IKZF2: variants seen among roughly 807,000 people sequenced by gnomAD.
The protein encoded by IKZF2 is IKAROS family zinc finger 2.
IKZF2 carries 15 observed loss-of-function variants against 49.2 expected under a neutral mutation model. The ratio of observed to expected loss-of-function variants is 0.30; its 90% confidence interval spans 0.20 to 0.47. IKZF2 has a LOEUF of 0.47. Ranked by LOEUF, IKZF2 falls within the 20% of genes least tolerant of loss-of-function variation. The pLI, the probability that IKZF2 is intolerant of heterozygous loss-of-function variation, is 1.00. For missense variants in IKZF2, 567 were observed against 664.6 expected, an observed-to-expected ratio of 0.85 and a Z score of 1.61; for synonymous variants, 227 against 221.4, an observed-to-expected ratio of 1.03 and a Z score of -0.23.
chr2:213,110,296 C>T (rs1053809450), intron 4 of IKZF2, among the ~76,000 whole-genome samples: 1 of 151,846 alleles, frequency 6.6e-6, no homozygotes, highest in Non-Finnish European at 1.5e-5. Flanking sequence ...CCCAGCCCCT[C>T]ATCTGCTCAG....
intron 6 of IKZF2, among the ~76,000 whole-genome samples, chr2:213,041,731 T>C (rs984113361): frequency 2.6e-5 from 4 of 152,124 alleles, no homozygotes; most frequent in Non-Finnish European, 5.9e-5. Context: ...AAAGTTATTA[T>C]TTTTTTCTTT....
rs1204695691 is a variant in IKZF2, at chr2:213,149,545, C to CT, written c.-16+598dup. Among the ~76,000 whole-genome samples the CT allele has an allele frequency of 2.6e-5, 4 of 151,990 alleles. No individual in the cohort carries two copies. In the East Asian group the frequency reaches 5.8e-4, roughly 22 times the overall value. On this transcript the variant is annotated intron_variant, in intron 2 of 8. Transcript: ENST00000434687. ...TTGACAAGTCCTGAGAAGATTTTTA[C>CT]TTTTTTTTCCCCCTTTGGCCTTGGT...
At chr2:213,136,554 T>C (rs1412380297) in intron 4 of IKZF2, among the ~76,000 whole-genome samples, 2 of 152,182 alleles carry the variant, frequency 1.3e-5, no homozygotes, top group Admixed American at 1.3e-4. Context: ...CTGATCATTT[T>C]TATGAGTCTA....
chr2:213,015,869 A>T (rs1696527096), intron 7 of IKZF2, among the ~76,000 whole-genome samples: 1 of 152,072 alleles, frequency 6.6e-6, no homozygotes, highest in African/African-American at 2.4e-5. Context: ...ATTTGTTCTG[A>T]AATGAGTAGT....
intron 5 of IKZF2, among the ~76,000 whole-genome samples, chr2:213,050,457 C>T (rs2125333869): frequency 6.6e-6 from 1 of 152,174 alleles, no homozygotes; most frequent in South Asian, 2.1e-4. Context: ...CCTCATTTAG[C>T]TGATATGGAA....
intron 4 of IKZF2, among the ~76,000 whole-genome samples, chr2:213,129,735 A>G (rs888884033): frequency 2.6e-5 from 4 of 152,234 alleles, no homozygotes; most frequent in Admixed American, 1.3e-4. Flanking sequence ...GAATGGAAGC[A>G]GGAAGACCGG....
At chr2:213,106,659 AAAAAG>A (rs953935541) in intron 4 of IKZF2, among the ~76,000 whole-genome samples, 8 of 151,792 alleles carry the variant, frequency 5.3e-5, no homozygotes, top group Admixed American at 1.3e-4. Flanking sequence ...AAAAAAAAGA[AAAAAG>A]AAAAGAAAAG....
At chr2:213,136,048 CAAAAAA>C (rs534093528) in intron 4 of IKZF2, among the ~76,000 whole-genome samples, 1 of 105,472 alleles carries the variant, frequency 9.5e-6, no homozygotes, top group Non-Finnish European at 2.1e-5. Flanking sequence ...GACTCCGTTT[CAAAAAA>C]AAAAAAAAGA....
At chr2:213,031,536 A>T (rs555432223) in intron 6 of IKZF2, among the ~76,000 whole-genome samples, 16 of 152,356 alleles carry the variant, frequency 1.1e-4, no homozygotes, top group African/African-American at 3.8e-4. Context: ...CTTATGTAAG[A>T]TTATTTTTAT....
In IKZF2 at chr2:213,021,968, A is replaced by C. The variant is rs755803424; in HGVS notation, c.712+25T>G. ...TACAAAAGCAGTAGGGGGAAATAAAAATGATGAATCCAGTTTCTACCCACC... is the reference window on the plus strand; with the variant it reads ...TACAAAAGCAGTAGGGGGAAATAAACATGATGAATCCAGTTTCTACCCACC... On this transcript the variant is annotated intron_variant, in intron 7 of 8. Coordinates refer to ENST00000434687, the MANE Select transcript of IKZF2 (RefSeq NM_001387220.1). The C allele has an allele frequency of 1.9e-6, 3 of 1,590,384 alleles. 1 individual carries two copies. The South Asian group carries it at 3.5e-5, about 18-fold the overall frequency.
chr2:213,029,797 CT>C (rs1263878601), intron 6 of IKZF2, among the ~76,000 whole-genome samples: 1 of 151,980 alleles, frequency 6.6e-6, no homozygotes, highest in African/African-American at 2.4e-5. Flanking sequence ...TAAAATGAAA[CT>C]TTTCAGTATT....
intron 4 of IKZF2, among the ~76,000 whole-genome samples, chr2:213,059,775 CAG>C (rs1193865763): frequency 3.3e-5 from 5 of 151,208 alleles, no homozygotes; most frequent in Admixed American, 3.3e-4. Flanking sequence ...TAACATGAAA[CAG>C]ATAAAAATGT....
chr2:213,059,460 CTT>C (rs1173544557), intron 4 of IKZF2, among the ~76,000 whole-genome samples: 4 of 151,492 alleles, frequency 2.6e-5, no homozygotes, highest in South Asian at 2.1e-4. Context: ...GTAAGGGAGA[CTT>C]TTAAAATCAA....
intron 6 of IKZF2, among the ~76,000 whole-genome samples, chr2:213,040,471 TAC>T (rs1159303291): frequency 1.3e-5 from 2 of 152,082 alleles, no homozygotes; most frequent in Non-Finnish European, 2.9e-5. Context: ...ATTAAAATTA[TAC>T]ACTCTTCTGT....
chr2:213,100,518 C>T (rs912908557), intron 4 of IKZF2, among the ~76,000 whole-genome samples: 3 of 151,724 alleles, frequency 2.0e-5, no homozygotes, highest in African/African-American at 7.3e-5. Flanking sequence ...CATAGGGGCC[C>T]CTTGGTGAAA....
intron 6 of IKZF2, among the ~76,000 whole-genome samples, chr2:213,024,372 A>T (rs1697566990): frequency 6.6e-6 from 1 of 152,192 alleles, no homozygotes; most frequent in Admixed American, 6.6e-5. Context: ...TGAGGCTAAA[A>T]TGTAAAGTGG....
intron 4 of IKZF2, among the ~76,000 whole-genome samples, chr2:213,140,582 A>G (rs1297327989): frequency 6.6e-6 from 1 of 151,946 alleles, no homozygotes; most frequent in Non-Finnish European, 1.5e-5. Context: ...ACTGGAGTAT[A>G]TGGCATACAT....
chr2:213,139,689 C>T (rs2060800133), intron 4 of IKZF2, among the ~76,000 whole-genome samples: 2 of 151,970 alleles, frequency 1.3e-5, no homozygotes, highest in South Asian at 2.1e-4. Flanking sequence ...AAGTGTGCCA[C>T]AAATCTAGTT....
chr2:213,117,561 C>G (rs2059916300), intron 4 of IKZF2, among the ~76,000 whole-genome samples: 1 of 152,182 alleles, frequency 6.6e-6, no homozygotes, highest in Non-Finnish European at 1.5e-5. Context: ...AAGACATGCT[C>G]TGCTAAGGGC....
Sources: allele counts gnomAD v4.1 joint callset (sites outside exome capture counted in the v4.1 genomes callset), GRCh38; gene constraint gnomAD v4.1.1; transcripts MANE v1.5; gene names NCBI Gene and HGNC (gene_info 2026-07-23, HGNC 2026-07-21).